ANOS1: variants seen among roughly 807,000 people sequenced by gnomAD.
ANOS1 encodes anosmin-1.
In ANOS1, 6 loss-of-function variants were observed where a neutral mutation model predicts 59.0. That is an observed-to-expected ratio of 0.10 (90% confidence interval 0.06 to 0.20). The LOEUF is 0.20. Ranked by LOEUF, ANOS1 falls within the 10% of genes least tolerant of loss-of-function variation. ANOS1 has a pLI of 1.00. For synonymous variants in ANOS1, 217 were observed against 223.4 expected, an observed-to-expected ratio of 0.97 and a Z score of 0.25; for missense variants, 433 against 542.3, an observed-to-expected ratio of 0.80 and a Z score of 2.00.
chrX:8,529,257 A>C lies in ANOS1; in HGVS notation c.*3738T>G, dbSNP rs1929458240. On this transcript the variant is annotated 3_prime_UTR_variant, in exon 14 of 14. Transcript: ENST00000262648. ...AATATTCAGTAGAGGTAAGACAGTC[A>C]TGAGAATCCTCTCCGTACCTGACAC... 8.9e-6 allele frequency: 1 copy of C among 112,003 alleles called. No individual in the cohort carries two copies. The highest frequency in any genetic ancestry group is 3.2e-5 in the African/African-American group (1 of 30,798). 9.2% of individuals were successfully genotyped at this position (112,003 alleles called of 1,213,427 possible). A position where few individuals can be genotyped will look rare whatever the true frequency, so the allele number is the denominator to read the frequency against.
In ANOS1 at chrX:8,699,673, A is replaced by G. The variant is rs1266611467; in HGVS notation, c.255+25T>C. 6.0e-6 allele frequency: 7 copies of G among 1,160,135 alleles called. No homozygotes were observed. In the South Asian group the frequency reaches 1.1e-4, roughly 18 times the overall value. On this transcript the variant is annotated intron_variant, in intron 2 of 13. Coordinates refer to ENST00000262648, the MANE Select transcript of ANOS1 (RefSeq NM_000216.4). The stretch of plus-strand genomic sequence containing the variant: ...TCCAAAATTAAAAGTTTTTTGCACC[A>G]TTCATACAGGTATAGGAAACGTACC...
At chrX:8,727,585 C>A (rs1932930956) in intron 1 of ANOS1, among the ~76,000 whole-genome samples, 1 of 112,331 alleles carries the variant, frequency 8.9e-6, no homozygotes, top group Non-Finnish European at 1.9e-5. Flanking sequence ...AGGGGAGGCA[C>A]CTGGCTCAAT....
At chrX:8,559,393 T>C (rs1308625568) in intron 8 of ANOS1, among the ~76,000 whole-genome samples, 1 of 111,317 alleles carries the variant, frequency 9.0e-6, no homozygotes, top group African/African-American at 3.3e-5. Flanking sequence ...CGTTGCAACG[T>C]AGGACACCAC....
At chrX:8,604,684 A>G (rs140001520) in intron 3 of ANOS1, among the ~76,000 whole-genome samples, 103 of 112,265 alleles carry the variant, frequency 9.2e-4, no homozygotes, top group Middle Eastern at 4.6e-3. Context: ...TAACTAAATT[A>G]AAGTACTCCA....
At chrX:8,659,389 C>T (rs1001329679) in intron 2 of ANOS1, among the ~76,000 whole-genome samples, 19 of 110,219 alleles carry the variant, frequency 1.7e-4, no homozygotes, top group African/African-American at 5.6e-4. Flanking sequence ...CCAGCCTGAG[C>T]GACAGAGTGA....
chrX:8,628,613 T>C (rs1210386508), intron 2 of ANOS1, among the ~76,000 whole-genome samples: 2 of 111,824 alleles, frequency 1.8e-5, no homozygotes, highest in Non-Finnish European at 3.8e-5. Flanking sequence ...TTAGAATGTA[T>C]TACATAAACT....
At chrX:8,590,990 C>A (rs1601967733) in intron 4 of ANOS1, among the ~76,000 whole-genome samples, 1 of 111,711 alleles carries the variant, frequency 9.0e-6, no homozygotes, top group Middle Eastern at 4.6e-3. Context: ...TAAAGCAATG[C>A]CAAAATGTTT....
Position 8,532,929 on chromosome X carries a change from T to C in ANOS1, c.*66A>G. ...TTCCCACTGCCTCTGGAAGTGTGCA[T>C]GTCTCGTGGCCGAAGTTCAACAAGC... On this transcript the variant is annotated 3_prime_UTR_variant, in exon 14 of 14. Transcript: ENST00000262648. The C allele has an allele frequency of 2.9e-6, 2 of 688,428 alleles. No homozygotes were observed. Among genetic ancestry groups the C allele is most frequent in the Non-Finnish European group, 4.7e-6 (2 of 422,440 alleles). 56.7% of individuals were successfully genotyped at this position (688,428 alleles called of 1,213,427 possible).
rs111544601 is a variant in ANOS1, at chrX:8,539,540, C to T, written c.1449+124G>A. On this transcript the variant is annotated intron_variant, in intron 10 of 13. Transcript: ENST00000262648. ...ATAATGACCATTCTGCTTTCCACTT[C>T]CATCAAGTCATTACTCCATAGCTGA... 1.9e-3 allele frequency: 1,995 copies of T among 1,073,008 alleles called. 23 individuals carry two copies. The African/African-American group carries it at 0.032, about 17-fold the overall frequency. The allele number at this position is 1,073,008 out of a possible 1,213,427, so 88.4% of individuals were successfully genotyped here.
chrX:8,530,252 T>C lies in ANOS1; in HGVS notation c.*2743A>G, dbSNP rs1179643312. 8.9e-6 allele frequency: 1 copy of C among 111,922 alleles called. No homozygotes were observed. The highest frequency in any genetic ancestry group is 3.2e-5 in the African/African-American group (1 of 30,862). 9.2% of individuals were successfully genotyped at this position (111,922 alleles called of 1,213,427 possible). ...TGTCAGATTAACCACCTGTATTTGA[T>C]GACAATATTTTTGATGAGCTCAATT... On this transcript the variant is annotated 3_prime_UTR_variant, in exon 14 of 14. Coordinates refer to ENST00000262648, the MANE Select transcript of ANOS1 (RefSeq NM_000216.4).
chrX:8,635,911 G>A (rs1169689335), intron 2 of ANOS1, among the ~76,000 whole-genome samples: 1 of 111,336 alleles, frequency 9.0e-6, no homozygotes, highest in Non-Finnish European at 1.9e-5. Context: ...CATGTTGTGC[G>A]TCCAGAATCT....
At chrX:8,666,032 T>C (rs1415658674) in intron 2 of ANOS1, among the ~76,000 whole-genome samples, 1 of 108,822 alleles carries the variant, frequency 9.2e-6, no homozygotes, top group African/African-American at 3.4e-5. Flanking sequence ...CAAGATCTTG[T>C]CTCTTCAAAG....
At chrX:8,710,008 G>T (rs1207431260) in intron 1 of ANOS1, among the ~76,000 whole-genome samples, 1 of 111,291 alleles carries the variant, frequency 9.0e-6, no homozygotes, top group African/African-American at 3.3e-5. Context: ...TCCACTCACT[G>T]CAAGCTCCGT....
intron 2 of ANOS1, among the ~76,000 whole-genome samples, chrX:8,626,703 CAA>C (rs1045978882): frequency 9.3e-6 from 1 of 107,971 alleles, no homozygotes; most frequent in Non-Finnish European, 1.9e-5. Context: ...ACTAAAAATA[CAA>C]AAAAAATTAT....
intron 8 of ANOS1, among the ~76,000 whole-genome samples, chrX:8,562,379 T>TA (rs1930047506): frequency 9.0e-6 from 1 of 111,642 alleles, no homozygotes; most frequent in Non-Finnish European, 1.9e-5. Context: ...ACGCCATGGG[T>TA]AAAAAACAGA....
intron 2 of ANOS1, among the ~76,000 whole-genome samples, chrX:8,648,025 TATAA>T (rs1931788658): frequency 8.9e-6 from 1 of 112,362 alleles, no homozygotes; most frequent in African/African-American, 3.2e-5. Context: ...TTATAAACTG[TATAA>T]ATGTTATAAA....
At chrX:8,702,126 C>T (rs1932759920) in intron 1 of ANOS1, among the ~76,000 whole-genome samples, 1 of 110,641 alleles carries the variant, frequency 9.0e-6, no homozygotes, top group African/African-American at 3.3e-5. Flanking sequence ...GCCCTCATCT[C>T]TCCCCCCACA....
chrX:8,681,075 C>A (rs1055789145), intron 2 of ANOS1, among the ~76,000 whole-genome samples: 2 of 111,513 alleles, frequency 1.8e-5, no homozygotes, highest in Non-Finnish European at 3.8e-5. Flanking sequence ...ATTTACTGCC[C>A]GGAGCCCAAA....
At chrX:8,577,028 T>C (rs1473695871) in intron 6 of ANOS1, among the ~76,000 whole-genome samples, 1 of 111,272 alleles carries the variant, frequency 9.0e-6, no homozygotes, top group African/African-American at 3.3e-5. Flanking sequence ...TGTAAACAAA[T>C]GAGTGTGGCT....
Sources: gnomAD v4.1 joint callset for allele counts (sites outside exome capture counted in the v4.1 genomes callset) on GRCh38, gnomAD v4.1.1 for gene constraint, MANE v1.5 for transcripts, NCBI Gene and HGNC (gene_info 2026-07-23, HGNC 2026-07-21) for gene names.